The following XKR4 variants were observed in gnomAD, a reference collection of about 807,000 sequenced individuals.
XKR4 encodes XK related 4.
Under a neutral mutation model 53.9 loss-of-function variants are expected in XKR4, and 12 were observed. The ratio of observed to expected loss-of-function variants is 0.22; its 90% confidence interval spans 0.14 to 0.36. XKR4 has a LOEUF of 0.36. Ranked by LOEUF, XKR4 falls within the 10% of genes least tolerant of loss-of-function variation. The pLI, the probability that XKR4 is intolerant of heterozygous loss-of-function variation, is 1.00. For synonymous variants in XKR4, 354 were observed against 362.4 expected, an observed-to-expected ratio of 0.98 and a Z score of 0.26; for missense variants, 799 against 859.5, an observed-to-expected ratio of 0.93 and a Z score of 0.88.
chr8:55,160,239 G>A (rs1306065876), intron 1 of XKR4, among the ~76,000 whole-genome samples: 2 of 152,192 alleles, frequency 1.3e-5, no homozygotes, highest in Non-Finnish European at 2.9e-5. Flanking sequence ...GCAGAAAGTT[G>A]AGTTTATTTA....
chr8:55,524,475 A>G lies in XKR4; in HGVS notation c.*248A>G. ...TTAATAGGACTCTCCATTGCTACCA[A>G]ACTCCTCCTGCACGGTCTTGGGTGC... On this transcript the variant is annotated 3_prime_UTR_variant, in exon 3 of 3. Coordinates refer to ENST00000327381, the MANE Select transcript of XKR4 (RefSeq NM_052898.2). The G allele has an allele frequency of 1.9e-6, 1 of 531,776 alleles. No homozygotes were observed. The highest frequency in any genetic ancestry group is 3.3e-6 in the Non-Finnish European group (1 of 299,196). 32.9% of individuals were successfully genotyped at this position (531,776 alleles called of 1,614,324 possible).
intron 2 of XKR4, among the ~76,000 whole-genome samples, chr8:55,361,585 A>C (rs552082356): frequency 6.6e-6 from 1 of 151,790 alleles, no homozygotes; most frequent in South Asian, 2.1e-4. Context: ...CTTCATCCTC[A>C]CCCGTGCCCT....
At chr8:55,329,212 T>C (rs1803346520) in intron 1 of XKR4, among the ~76,000 whole-genome samples, 1 of 151,986 alleles carries the variant, frequency 6.6e-6, no homozygotes, top group Non-Finnish European at 1.5e-5. Flanking sequence ...TGAAGAAAAA[T>C]AGAATGAGGA....
intron 2 of XKR4, among the ~76,000 whole-genome samples, chr8:55,495,388 C>T (rs1247284321): frequency 6.6e-6 from 1 of 152,182 alleles, no homozygotes; most frequent in Non-Finnish European, 1.5e-5. Context: ...TCAGAAGGAG[C>T]AGGGCTTCCA....
At chr8:55,171,285 T>A (rs1817152082) in intron 1 of XKR4, among the ~76,000 whole-genome samples, 1 of 152,204 alleles carries the variant, frequency 6.6e-6, no homozygotes, top group African/African-American at 2.4e-5. Flanking sequence ...AGAAAATGTG[T>A]CCTTACCATC....
intron 1 of XKR4, among the ~76,000 whole-genome samples, chr8:55,337,152 A>G (rs1216749931): frequency 1.3e-5 from 2 of 152,154 alleles, no homozygotes; most frequent in Non-Finnish European, 2.9e-5. Context: ...GAAACAGCAG[A>G]TGGGGAGCCA....
chr8:55,532,485 C>T lies in XKR4; in HGVS notation c.*8258C>T, dbSNP rs1407906978. On this transcript the variant is annotated 3_prime_UTR_variant, in exon 3 of 3. Transcript: ENST00000327381. ...TGTGCTAGTAATTGAAGTATGTCAT[C>T]TACCCTGTTATTAGAATTTCAGAAA... The T allele has an allele frequency of 2.0e-5, 3 of 152,160 alleles. No homozygotes were observed. The highest frequency in any genetic ancestry group is 4.4e-5 in the Non-Finnish European group (3 of 68,030). The allele number at this position is 152,160 out of a possible 1,614,324, so 9.4% of individuals were successfully genotyped here.
chr8:55,383,042 G>A (rs992384383), intron 2 of XKR4, among the ~76,000 whole-genome samples: 4 of 151,974 alleles, frequency 2.6e-5, no homozygotes, highest in African/African-American at 4.8e-5. Flanking sequence ...GTGAAACCCC[G>A]TTTCTACTAA....
intron 1 of XKR4, among the ~76,000 whole-genome samples, chr8:55,320,394 C>A (rs993315782): frequency 1.3e-5 from 2 of 152,136 alleles, no homozygotes; most frequent in Non-Finnish European, 2.9e-5. Flanking sequence ...GATTTAAGTT[C>A]AATGTAAATT....
chr8:55,339,595 G>A (rs1803511626), intron 1 of XKR4, among the ~76,000 whole-genome samples: 1 of 152,090 alleles, frequency 6.6e-6, no homozygotes, highest in African/African-American at 2.4e-5. Flanking sequence ...GGGTGACATG[G>A]CACCTTCTTT....
intron 1 of XKR4, among the ~76,000 whole-genome samples, chr8:55,237,047 T>G (rs892114930): frequency 3.2e-4 from 49 of 152,226 alleles, no homozygotes; most frequent in African/African-American, 1.2e-3. Context: ...TCTAGTTCAA[T>G]TGTTCCTCTG....
chr8:55,293,257 C>T (rs1464147992), intron 1 of XKR4, among the ~76,000 whole-genome samples: 2 of 152,098 alleles, frequency 1.3e-5, no homozygotes, highest in Non-Finnish European at 2.9e-5. Context: ...ATCACTTGAA[C>T]CCAAGAGGCA....
At chr8:55,191,256 T>A (rs768467442) in intron 1 of XKR4, among the ~76,000 whole-genome samples, 1 of 152,132 alleles carries the variant, frequency 6.6e-6, no homozygotes, top group Non-Finnish European at 1.5e-5. Context: ...CTTGGACTGC[T>A]CCTCTCTCCT....
chr8:55,198,001 A>G (rs531193901), intron 1 of XKR4, among the ~76,000 whole-genome samples: 1 of 152,324 alleles, frequency 6.6e-6, no homozygotes, highest in East Asian at 1.9e-4. Flanking sequence ...AGGCCTCTAC[A>G]CTGGCCAAGT....
chr8:55,476,095 G>A (rs1805980161), intron 2 of XKR4, among the ~76,000 whole-genome samples: 1 of 152,026 alleles, frequency 6.6e-6, no homozygotes, highest in Non-Finnish European at 1.5e-5. Flanking sequence ...TGAAAAACAT[G>A]CTGATATCGG....
At chr8:55,288,063 C>T (rs1440074840) in intron 1 of XKR4, among the ~76,000 whole-genome samples, 3 of 152,106 alleles carry the variant, frequency 2.0e-5, no homozygotes, top group Admixed American at 1.3e-4. Flanking sequence ...TTTGTTAGCT[C>T]ATCAGCTATC....
At chr8:55,226,446 T>C (rs1342103047) in intron 1 of XKR4, among the ~76,000 whole-genome samples, 1 of 152,154 alleles carries the variant, frequency 6.6e-6, no homozygotes, top group Non-Finnish European at 1.5e-5. Context: ...TATGACATGA[T>C]TGCTGACTCA....
Position 55,531,219 on chromosome 8 carries a change from C to T in XKR4, c.*6992C>T, listed in dbSNP as rs1189047087. On this transcript the variant is annotated 3_prime_UTR_variant, in exon 3 of 3. Transcript: ENST00000327381. ...CTTACACAAGCTTAGATGGTAGAGC[C>T]TACCATGCTCCTAGGCTATATGGTA... 1 of 152,098 alleles carries T rather than the reference C, an allele frequency of 6.6e-6. No homozygotes were observed. The highest frequency in any genetic ancestry group is 1.5e-5 in the Non-Finnish European group (1 of 68,022). 9.4% of individuals were successfully genotyped at this position (152,098 alleles called of 1,614,324 possible). A position where few individuals can be genotyped will look rare whatever the true frequency, so the allele number is the denominator to read the frequency against.
chr8:55,534,363 C>A lies in XKR4; in HGVS notation c.*10136C>A, dbSNP rs202017095. 1 of 47,162 alleles carries A rather than the reference C, an allele frequency of 2.1e-5. No individual in the cohort carries two copies. The highest frequency in any genetic ancestry group is 8.6e-4 in the East Asian group (1 of 1,168). The allele number at this position is 47,162 out of a possible 1,614,324, so 2.9% of individuals were successfully genotyped here. On this transcript the variant is annotated 3_prime_UTR_variant, in exon 3 of 3. Coordinates refer to ENST00000327381, the MANE Select transcript of XKR4 (RefSeq NM_052898.2). ...GCTCAAAGATCACGAATCTGATATT[C>A]TTTTTTTTTTTTTTTTTTTTTTTTT...
Sources: allele counts gnomAD v4.1 joint callset (sites outside exome capture counted in the v4.1 genomes callset), GRCh38; gene constraint gnomAD v4.1.1; transcripts MANE v1.5; gene names NCBI Gene and HGNC (gene_info 2026-07-23, HGNC 2026-07-21).